Variants in KCNMB2 observed in about 807,000 individuals in gnomAD.
The protein encoded by KCNMB2 is calcium-activated potassium channel subunit beta-2.
In KCNMB2, 9 loss-of-function variants were observed where a neutral mutation model predicts 24.5. That is an observed-to-expected ratio of 0.37 (90% CI 0.22 to 0.64). The LOEUF (loss-of-function observed/expected upper bound fraction) is 0.64. Ranked by LOEUF, KCNMB2 falls within the 30% of genes least tolerant of loss-of-function variation. The pLI is 0.63. For missense variants in KCNMB2, 226 were observed against 284.3 expected (o/e 0.79, Z 1.47); for synonymous variants, 109 against 104.4 (o/e 1.04, Z -0.27).
At chr3:178,700,143 CTT>C (rs932646506) in intron 1 of KCNMB2, among the ~76,000 whole-genome samples, 3 of 152,166 alleles carry the variant, frequency 2.0e-5, no homozygotes, top group African/African-American at 7.2e-5. Context: ...CACTTTGCCT[CTT>C]TTAATTTTCA....
At chr3:178,673,655 A>C (rs1217415861) in intron 1 of KCNMB2, among the ~76,000 whole-genome samples, 1 of 152,080 alleles carries the variant, frequency 6.6e-6, no homozygotes, top group East Asian at 1.9e-4. Flanking sequence ...TGTATGATTA[A>C]ATTTTTCTTC....
intron 1 of KCNMB2, among the ~76,000 whole-genome samples, chr3:178,561,060 A>T (rs550814167): frequency 2.0e-4 from 30 of 152,214 alleles, no homozygotes; most frequent in Non-Finnish European, 3.7e-4. Flanking sequence ...CAATAATGCC[A>T]CACTCAGAGT....
At chr3:178,833,149 A>T (rs1023608451) in intron 4 of KCNMB2, among the ~76,000 whole-genome samples, 6 of 152,146 alleles carry the variant, frequency 3.9e-5, no homozygotes, top group African/African-American at 1.4e-4. Context: ...TGAAGTCCCT[A>T]TGAGGACCTA....
chr3:178,771,457 T>TTTTC (rs1560014865), intron 1 of KCNMB2, among the ~76,000 whole-genome samples: 10 of 150,718 alleles, frequency 6.6e-5, no homozygotes, highest in Admixed American at 2.6e-4. Flanking sequence ...CTGACTTTCT[T>TTTTC]TTTCTTTCTT....
chr3:178,813,831 T>C (rs1168491695), intron 2 of KCNMB2, among the ~76,000 whole-genome samples: 1 of 152,240 alleles, frequency 6.6e-6, no homozygotes, highest in African/African-American at 2.4e-5. Context: ...CATTTATGTT[T>C]TTAGATAATT....
At chr3:178,588,023 AATG>A (rs1053528071) in intron 1 of KCNMB2, among the ~76,000 whole-genome samples, 11 of 151,768 alleles carry the variant, frequency 7.2e-5, no homozygotes, top group Non-Finnish European at 1.2e-4. Flanking sequence ...GTCTGCTAAG[AATG>A]ATGGTTTCCG....
intron 1 of KCNMB2, among the ~76,000 whole-genome samples, chr3:178,788,924 G>A (rs948814698): frequency 5.3e-5 from 8 of 152,196 alleles, no homozygotes; most frequent in African/African-American, 1.9e-4. Context: ...CCAACTCGGT[G>A]CCTGCCACCT....
At chr3:178,597,688 A>G (rs1254172554) in intron 1 of KCNMB2, among the ~76,000 whole-genome samples, 2 of 152,172 alleles carry the variant, frequency 1.3e-5, no homozygotes, top group South Asian at 2.1e-4. Context: ...GGAGGTGCTC[A>G]AGTATCACAA....
intron 1 of KCNMB2, among the ~76,000 whole-genome samples, chr3:178,759,635 G>A (rs1179946470): frequency 3.0e-5 from 3 of 101,336 alleles, no homozygotes; most frequent in African/African-American, 4.3e-5. Flanking sequence ...CTCTCCAAGA[G>A]GATATATATA....
intron 1 of KCNMB2, among the ~76,000 whole-genome samples, chr3:178,686,785 A>G (rs1721487847): frequency 6.6e-6 from 1 of 152,210 alleles, no homozygotes; most frequent in African/African-American, 2.4e-5. Context: ...AGGAAAATGT[A>G]GTTACCACAG....
chr3:178,541,785 G>T (rs1394815178), intron 1 of KCNMB2, among the ~76,000 whole-genome samples: 1 of 152,194 alleles, frequency 6.6e-6, no homozygotes, highest in African/African-American at 2.4e-5. Flanking sequence ...TCTTTTCAAA[G>T]AATTAATATC....
intron 1 of KCNMB2, among the ~76,000 whole-genome samples, chr3:178,627,931 G>A (rs1719177885): frequency 6.6e-6 from 1 of 152,134 alleles, no homozygotes; most frequent in African/African-American, 2.4e-5. Context: ...CCCAGAAAAT[G>A]CTAAAGAGGC....
intron 1 of KCNMB2, among the ~76,000 whole-genome samples, chr3:178,584,707 CA>C (rs58169174): frequency 0.37 from 54,789 of 146,862 alleles, 10,247 homozygotes; most frequent in African/African-American, 0.49. Flanking sequence ...ATAAAGAAAC[CA>C]AAAAAAAAAG....
chr3:178,598,716 G>A (rs1031496787), intron 1 of KCNMB2, among the ~76,000 whole-genome samples: 1 of 151,826 alleles, frequency 6.6e-6, no homozygotes, highest in Non-Finnish European at 1.5e-5. Context: ...GGGTTAGAGT[G>A]CTCACGTGAC....
chr3:178,798,387 A>ATTTGTTTG (rs112870851), intron 1 of KCNMB2, among the ~76,000 whole-genome samples: 12 of 151,600 alleles, frequency 7.9e-5, no homozygotes, highest in African/African-American at 2.4e-4. Context: ...TTTTGTGTTT[A>ATTTGTTTG]TTTGTTTGTT....
At chr3:178,633,934 G>C (rs1165788988) in intron 1 of KCNMB2, among the ~76,000 whole-genome samples, 1 of 152,082 alleles carries the variant, frequency 6.6e-6, no homozygotes, top group Non-Finnish European at 1.5e-5. Context: ...AGATCTCTAG[G>C]GCAGGGGCAA....
At chr3:178,632,758 A>G (rs1331300831) in intron 1 of KCNMB2, among the ~76,000 whole-genome samples, 2 of 152,204 alleles carry the variant, frequency 1.3e-5, no homozygotes, top group East Asian at 1.9e-4. Flanking sequence ...ACAGTTCCCC[A>G]AAGTCTTAGC....
At chr3:178,761,285 A>C (rs930477222) in intron 1 of KCNMB2, among the ~76,000 whole-genome samples, 1 of 152,230 alleles carries the variant, frequency 6.6e-6, no homozygotes, top group African/African-American at 2.4e-5. Context: ...GTGCCAGAGC[A>C]ATAGTAGCAT....
intron 1 of KCNMB2, among the ~76,000 whole-genome samples, chr3:178,783,204 A>G (rs1255092263): frequency 4.6e-5 from 7 of 152,024 alleles, no homozygotes; most frequent in Non-Finnish European, 5.9e-5. Context: ...GCCTTGTGGT[A>G]TAGTTTGAAG....
Sources: gnomAD v4.1 joint callset for allele counts (sites outside exome capture counted in the v4.1 genomes callset) on GRCh38, gnomAD v4.1.1 for gene constraint, MANE v1.5 for transcripts, NCBI Gene and HGNC (gene_info 2026-07-23, HGNC 2026-07-21) for gene names.